MACROD2: variants seen among roughly 807,000 people sequenced by gnomAD.
MACROD2 encodes mono-ADP ribosylhydrolase 2.
MACROD2 carries 36 observed loss-of-function variants against 70.4 expected under a neutral mutation model. That is an observed-to-expected ratio of 0.51 (90% confidence interval 0.39 to 0.68). The LOEUF is 0.68. Ranked by LOEUF, MACROD2 falls within the 30% of genes least tolerant of loss-of-function variation. The pLI, the probability that MACROD2 is intolerant of heterozygous loss-of-function variation, is 0.00. For synonymous variants in MACROD2, 172 were observed against 178.8 expected (o/e 0.96, Z 0.30); for missense variants, 496 against 538.4 (o/e 0.92, Z 0.78).
intron 5 of MACROD2, among the ~76,000 whole-genome samples, chr20:14,978,810 A>T (rs2074767326): frequency 6.7e-6 from 1 of 149,210 alleles, no homozygotes; most frequent in Admixed American, 6.7e-5. Context: ...GTTGGATAAA[A>T]ACTATCCAAG....
At chr20:15,362,008 C>CT (rs34029805) in intron 6 of MACROD2, among the ~76,000 whole-genome samples, 36,527 of 142,374 alleles carry the variant, frequency 0.26, 4,941 homozygotes, top group Middle Eastern at 0.41. Context: ...TTATTTCTTC[C>CT]TTTTTTTTTT....
chr20:14,910,525 A>G (rs1304663544), intron 5 of MACROD2, among the ~76,000 whole-genome samples: 1 of 152,208 alleles, frequency 6.6e-6, no homozygotes, highest in Non-Finnish European at 1.5e-5. Flanking sequence ...CAGAAAGGAA[A>G]TTTGTTGAGA....
intron 8 of MACROD2, among the ~76,000 whole-genome samples, chr20:15,518,638 A>T (rs1372984124): frequency 6.6e-6 from 1 of 152,222 alleles, no homozygotes; most frequent in Non-Finnish European, 1.5e-5. Flanking sequence ...GAGAAAGAAC[A>T]GGTGGGAAGA....
intron 2 of MACROD2, among the ~76,000 whole-genome samples, chr20:14,075,625 T>C (rs1445551498): frequency 6.6e-6 from 1 of 152,070 alleles, no homozygotes; most frequent in Non-Finnish European, 1.5e-5. Context: ...GATTTCCCCT[T>C]TAATTCTCTT....
chr20:15,968,842 C>CAG lies in MACROD2; in HGVS notation c.985+1213_985+1214insGA, dbSNP rs1568675307. On this transcript the variant is annotated intron_variant, in intron 13 of 17. Coordinates refer to ENST00000684519, the MANE Select transcript of MACROD2 (RefSeq NM_001351661.2). ...ATATATATATATATATATATATACA[C>CAG]ACATATACATATGGAGAGAGAGAGA... 7.2e-4 allele frequency among the ~76,000 whole-genome samples: 90 copies of CAG among 125,846 alleles called. 2 individuals carry two copies. Among genetic ancestry groups the CAG allele is most frequent in the African/African-American group, 2.6e-3 (88 of 34,206 alleles). 82.6% of individuals were successfully genotyped at this position (125,846 alleles called of 152,430 possible).
intron 8 of MACROD2, among the ~76,000 whole-genome samples, chr20:15,596,456 G>A (rs985295961): frequency 6.6e-6 from 1 of 152,142 alleles, no homozygotes; most frequent in African/African-American, 2.4e-5. Flanking sequence ...AGAGGTCCGT[G>A]GTCATTCCTT....
chr20:15,850,355 A>C (rs764811605), intron 8 of MACROD2, among the ~76,000 whole-genome samples: 20 of 152,100 alleles, frequency 1.3e-4, no homozygotes, highest in Non-Finnish European at 2.5e-4. Context: ...TAATTTTCCA[A>C]ACTCCAGCTC....
intron 3 of MACROD2, among the ~76,000 whole-genome samples, chr20:14,167,364 A>G (rs1247285396): frequency 6.6e-6 from 1 of 152,080 alleles, no homozygotes; most frequent in Non-Finnish European, 1.5e-5. Context: ...ATCAGAGACT[A>G]TATATAATAT....
chr20:14,566,356 G>C (rs780542894), intron 4 of MACROD2, among the ~76,000 whole-genome samples: 2 of 151,750 alleles, frequency 1.3e-5, no homozygotes, highest in African/African-American at 2.4e-5. Flanking sequence ...GAGCCCAGGA[G>C]TTCTAGGCTT....
chr20:15,714,990 CAAT>C (rs1429413190), intron 8 of MACROD2, among the ~76,000 whole-genome samples: 1 of 152,024 alleles, frequency 6.6e-6, no homozygotes, highest in Non-Finnish European at 1.5e-5. Context: ...GCATTCTACT[CAAT>C]GATATATTGT....
chr20:15,250,720 C>A (rs1359772251), intron 6 of MACROD2, among the ~76,000 whole-genome samples: 1 of 152,136 alleles, frequency 6.6e-6, no homozygotes, highest in African/African-American at 2.4e-5. Flanking sequence ...CCCTTCTTAT[C>A]CTTTGGATCT....
At chr20:15,756,684 A>T (rs188730017) in intron 8 of MACROD2, among the ~76,000 whole-genome samples, 186 of 152,344 alleles carry the variant, frequency 1.2e-3, no homozygotes, top group African/African-American at 4.3e-3. Flanking sequence ...GCACACAAAA[A>T]TGCTTTTATC....
intron 5 of MACROD2, among the ~76,000 whole-genome samples, chr20:14,851,495 G>C (rs553767468): frequency 6.6e-6 from 1 of 152,292 alleles, no homozygotes; most frequent in South Asian, 2.1e-4. Flanking sequence ...TCCATGGAGA[G>C]AGAAAATTAT....
intron 3 of MACROD2, among the ~76,000 whole-genome samples, chr20:14,355,954 A>G (rs1005778712): frequency 6.6e-6 from 1 of 152,148 alleles, no homozygotes; most frequent in Non-Finnish European, 1.5e-5. Flanking sequence ...AAAGAGAGGA[A>G]TGTGACCCAG....
chr20:14,020,096 A>G (rs548945008), intron 2 of MACROD2, among the ~76,000 whole-genome samples: 35 of 152,332 alleles, frequency 2.3e-4, no homozygotes, highest in East Asian at 1.7e-3. Flanking sequence ...GGATACACCA[A>G]TCAGGCATGC....
intron 3 of MACROD2, among the ~76,000 whole-genome samples, chr20:14,314,063 T>C (rs2082591761): frequency 6.6e-6 from 1 of 152,236 alleles, no homozygotes; most frequent in South Asian, 2.1e-4. Context: ...ATTTAATAGG[T>C]AACCATCTAG....
At chr20:15,420,678 G>T (rs1413482315) in intron 6 of MACROD2, among the ~76,000 whole-genome samples, 2 of 152,192 alleles carry the variant, frequency 1.3e-5, no homozygotes, top group East Asian at 1.9e-4. Flanking sequence ...GGAGCAATTT[G>T]GTAGTATTTT....
chr20:14,117,672 C>T (rs2054533046), intron 3 of MACROD2, among the ~76,000 whole-genome samples: 1 of 152,164 alleles, frequency 6.6e-6, no homozygotes, highest in South Asian at 2.1e-4. Flanking sequence ...TTTCATGACT[C>T]TTCATTTCCT....
At chr20:14,074,486 G>C (rs1437684021) in intron 2 of MACROD2, among the ~76,000 whole-genome samples, 1 of 152,114 alleles carries the variant, frequency 6.6e-6, no homozygotes, top group Non-Finnish European at 1.5e-5. Context: ...ACTGAAGCAT[G>C]GTAGGAACAG....
Sources: allele counts gnomAD v4.1 joint callset (sites outside exome capture counted in the v4.1 genomes callset), GRCh38; gene constraint gnomAD v4.1.1; transcripts MANE v1.5; gene names NCBI Gene and HGNC (gene_info 2026-07-23, HGNC 2026-07-21).